RAB27B: variants seen among roughly 807,000 people sequenced by gnomAD.
The protein encoded by RAB27B is RAB27B, member RAS oncogene family.
Under a neutral mutation model 24.6 loss-of-function variants are expected in RAB27B, and 15 were observed. That is an observed-to-expected ratio of 0.61 (90% CI 0.41 to 0.94). The LOEUF (loss-of-function observed/expected upper bound fraction) is 0.94, where lower values mean the gene tolerates loss of function less well. Ranked by LOEUF, RAB27B falls within the 40% of genes least tolerant of loss-of-function variation. RAB27B has a pLI of 0.00. For missense variants in RAB27B, 261 were observed against 266.8 expected (o/e 0.98, Z 0.15); for synonymous variants, 105 against 92.5 (o/e 1.14, Z -0.78).
intron 2 of RAB27B, among the ~76,000 whole-genome samples, chr18:54,804,723 G>A (rs2145135886): frequency 6.6e-6 from 1 of 152,260 alleles, no homozygotes; most frequent in East Asian, 1.9e-4. Flanking sequence ...TTTTGCTCTG[G>A]AAGATATTTT....
chr18:54,760,259 C>G (rs1908142750), intron 2 of RAB27B, among the ~76,000 whole-genome samples: 2 of 152,152 alleles, frequency 1.3e-5, no homozygotes, highest in Admixed American at 1.3e-4. Flanking sequence ...GTGCCATCCC[C>G]TTAGCAAGTC....
intron 2 of RAB27B, among the ~76,000 whole-genome samples, chr18:54,799,903 C>T (rs886200052): frequency 6.6e-6 from 1 of 152,080 alleles, no homozygotes; most frequent in Admixed American, 6.5e-5. Context: ...GCCTCAGCCT[C>T]CCAAAGTGCT....
chr18:54,889,962 A>G lies in RAB27B; in HGVS notation c.*549A>G, dbSNP rs1599001061. 1 of 152,306 alleles carries G rather than the reference A, an allele frequency of 6.6e-6. No homozygotes were observed. The highest frequency in any genetic ancestry group is 1.9e-4 in the East Asian group (1 of 5,178). 9.4% of individuals were successfully genotyped at this position (152,306 alleles called of 1,614,324 possible). On this transcript the variant is annotated 3_prime_UTR_variant, in exon 6 of 6. Coordinates refer to ENST00000262094, the MANE Select transcript of RAB27B (RefSeq NM_004163.4). ...CAATAAGCTGTACTAGAATGAATAAATTACTGATAAGGTTACAAATAGGTA... is the reference window on the plus strand; with the variant it reads ...CAATAAGCTGTACTAGAATGAATAAGTTACTGATAAGGTTACAAATAGGTA...
intron 2 of RAB27B, among the ~76,000 whole-genome samples, chr18:54,736,257 T>TTGC (rs1175753338): frequency 6.6e-6 from 1 of 152,172 alleles, no homozygotes; most frequent in Non-Finnish European, 1.5e-5. Context: ...TGAAACGGAA[T>TTGC]TGCTGCAAAA....
chr18:54,870,145 A>T (rs924619230), intron 1 of RAB27B, among the ~76,000 whole-genome samples: 1 of 152,188 alleles, frequency 6.6e-6, no homozygotes, highest in Non-Finnish European at 1.5e-5. Flanking sequence ...AAAACCACAG[A>T]TTGTTTCAAA....
chr18:54,849,112 G>A (rs1340101874), intron 1 of RAB27B, among the ~76,000 whole-genome samples: 7 of 152,092 alleles, frequency 4.6e-5, no homozygotes, highest in Non-Finnish European at 7.4e-5. Context: ...GCTCAGAAAC[G>A]TCGATGTAAT....
intron 3 of RAB27B, among the ~76,000 whole-genome samples, chr18:54,883,531 A>T (rs1298994267): frequency 1.3e-5 from 2 of 152,108 alleles, no homozygotes; most frequent in African/African-American, 4.8e-5. Flanking sequence ...CATTGCTCTT[A>T]TTGAAGTGAA....
At chr18:54,830,676 G>A (rs956807497) in intron 1 of RAB27B, among the ~76,000 whole-genome samples, 1 of 152,074 alleles carries the variant, frequency 6.6e-6, no homozygotes, top group Admixed American at 6.6e-5. Flanking sequence ...GTAGCAAGCA[G>A]CAACATCACT....
chr18:54,739,300 C>T (rs940434290), intron 2 of RAB27B, among the ~76,000 whole-genome samples: 2 of 151,776 alleles, frequency 1.3e-5, no homozygotes, highest in African/African-American at 2.4e-5. Flanking sequence ...ACTAAAAATA[C>T]AAAAAGTTAG....
intron 1 of RAB27B, among the ~76,000 whole-genome samples, chr18:54,868,845 A>G (rs1912354401): frequency 6.6e-6 from 1 of 152,106 alleles, no homozygotes; most frequent in South Asian, 2.1e-4. Flanking sequence ...GAGGCTGGTC[A>G]CCAACTAAAC....
intron 2 of RAB27B, among the ~76,000 whole-genome samples, chr18:54,812,446 T>C (rs1406272746): frequency 6.6e-6 from 1 of 152,008 alleles, no homozygotes; most frequent in Non-Finnish European, 1.5e-5. Flanking sequence ...ATAGGCTAAA[T>C]AAAGAAGTTT....
chr18:54,747,971 G>A (rs1910306971), intron 2 of RAB27B, among the ~76,000 whole-genome samples: 1 of 151,940 alleles, frequency 6.6e-6, no homozygotes, highest in South Asian at 2.1e-4. Flanking sequence ...AGCCATGCTT[G>A]GTGATGTTGC....
intron 1 of RAB27B, among the ~76,000 whole-genome samples, chr18:54,852,785 C>T (rs1452553417): frequency 1.3e-5 from 2 of 152,174 alleles, no homozygotes; most frequent in Non-Finnish European, 2.9e-5. Flanking sequence ...TATATCATAT[C>T]CATGTCTTGA....
chr18:54,774,556 C>T (rs11876447), intron 2 of RAB27B, among the ~76,000 whole-genome samples: 8,181 of 152,258 alleles, frequency 0.054, 286 homozygotes, highest in Admixed American at 0.085. Flanking sequence ...TATCCTCATC[C>T]TCATTAAAAA....
At chr18:54,744,095 T>G (rs542065663) in intron 2 of RAB27B, among the ~76,000 whole-genome samples, 40 of 152,252 alleles carry the variant, frequency 2.6e-4, no homozygotes, top group Non-Finnish European at 5.0e-4. Context: ...AAATCAACAG[T>G]GAATAAATGT....
At chr18:54,832,625 C>A (rs758370128) in intron 1 of RAB27B, among the ~76,000 whole-genome samples, 1 of 152,142 alleles carries the variant, frequency 6.6e-6, no homozygotes, top group Non-Finnish European at 1.5e-5. Context: ...GGCTTGAGGA[C>A]GCAGCTCTGG....
chr18:54,875,214 T>G (rs559494209), intron 1 of RAB27B, among the ~76,000 whole-genome samples: 1 of 152,234 alleles, frequency 6.6e-6, no homozygotes, highest in East Asian at 1.9e-4. Context: ...TAGTCCCAGC[T>G]ACCAGGAAGG....
At chr18:54,876,425 G>A (rs987813131) in intron 1 of RAB27B, among the ~76,000 whole-genome samples, 1 of 152,158 alleles carries the variant, frequency 6.6e-6, no homozygotes, top group African/African-American at 2.4e-5. Context: ...TTCAGAGGTG[G>A]AGAAGTCTTC....
At chr18:54,862,428 T>C (rs549218404) in intron 1 of RAB27B, among the ~76,000 whole-genome samples, 1 of 152,292 alleles carries the variant, frequency 6.6e-6, no homozygotes, top group Non-Finnish European at 1.5e-5. Context: ...TGCCACAGCA[T>C]CAAATTATTA....
Sources: gnomAD v4.1 joint callset for allele counts (sites outside exome capture counted in the v4.1 genomes callset) on GRCh38, gnomAD v4.1.1 for gene constraint, MANE v1.5 for transcripts, NCBI Gene and HGNC (gene_info 2026-07-23, HGNC 2026-07-21) for gene names.